Variants in COG5 observed in about 807,000 individuals in gnomAD.
COG5 encodes the protein conserved oligomeric Golgi complex subunit 5.
COG5 carries 86 observed loss-of-function variants against 110.4 expected under a neutral mutation model. The observed-to-expected ratio is 0.78, with a 90% confidence interval of 0.65 to 0.93. COG5 has a LOEUF of 0.93. Ranked by LOEUF, COG5 falls within the 40% of genes least tolerant of loss-of-function variation. The pLI is 0.00. For synonymous variants in COG5, 360 were observed against 334.6 expected (o/e 1.08, Z -0.83); for missense variants, 1,077 against 987.0 (o/e 1.09, Z -1.22).
Position 107,474,816 on chromosome 7 carries a change from G to C in COG5, c.538+52421C>G. 1 of 1,613,008 alleles carries C rather than the reference G, an allele frequency of 6.2e-7. No individual in the cohort carries two copies. Among genetic ancestry groups the C allele is most frequent in the Non-Finnish European group, 8.5e-7 (1 of 1,179,518 alleles). On this transcript the variant is annotated intron_variant, in intron 6 of 21. Transcript: ENST00000297135. The surrounding 1 kb of genome is among the most constrained non-coding windows in gnomAD (Gnocchi z 5.7). ...CAAGATTTTCAACAGGGCAGAAGAAGAAAGCAAGAAAGAAAAAGACAATTT... is the reference window on the plus strand; with the variant it reads ...CAAGATTTTCAACAGGGCAGAAGAACAAAGCAAGAAAGAAAAAGACAATTT...
At position 107,529,250 on chromosome 7, in the gene COG5, TAGAC is replaced by T. The variant is rs1316208615; in HGVS notation, c.418-1897_418-1894del. On this transcript the variant is annotated intron_variant, in intron 5 of 21. Transcript: ENST00000297135. ...AATCACTGTTATTGTTGCAGGTAGT[TAGAC>T]AGTCAAGAGTGGGGCAGGAGAGGGC... 8.5e-5 allele frequency among the ~76,000 whole-genome samples: 13 copies of T among 152,302 alleles called. No homozygotes were observed. The East Asian group carries it at 2.5e-3, about 29-fold the overall frequency.
At chr7:107,403,735 G>T (rs906207353) in intron 7 of COG5, among the ~76,000 whole-genome samples, 2 of 152,088 alleles carry the variant, frequency 1.3e-5, no homozygotes, top group Admixed American at 1.3e-4. Flanking sequence ...ATTCAAGAGA[G>T]TCCCACCTTC....
intron 14 of COG5, among the ~76,000 whole-genome samples, chr7:107,268,610 G>A (rs1459055605): frequency 6.6e-6 from 1 of 152,160 alleles, no homozygotes; most frequent in East Asian, 1.9e-4. Context: ...CATTTTGATA[G>A]TGGATTTGTC....
chr7:107,510,529 A>G (rs1799418369), intron 6 of COG5, among the ~76,000 whole-genome samples: 2 of 152,352 alleles, frequency 1.3e-5, no homozygotes, highest in South Asian at 2.1e-4. Context: ...AATTGAACTC[A>G]GCTCTGCACC....
intron 6 of COG5, among the ~76,000 whole-genome samples, chr7:107,483,944 G>C (rs1797501509): frequency 6.6e-6 from 1 of 151,392 alleles, no homozygotes; most frequent in Non-Finnish European, 1.5e-5. Flanking sequence ...CCTCCAAAGA[G>C]TATGTAATCC....
chr7:107,516,969 C>G (rs1454972475), intron 6 of COG5, among the ~76,000 whole-genome samples: 3 of 152,172 alleles, frequency 2.0e-5, no homozygotes, highest in Non-Finnish European at 4.4e-5. Flanking sequence ...ATCGCAACAG[C>G]TCTCCAGCAA....
chr7:107,516,757 C>T (rs1799950612), intron 6 of COG5, among the ~76,000 whole-genome samples: 1 of 152,148 alleles, frequency 6.6e-6, no homozygotes, highest in Non-Finnish European at 1.5e-5. Context: ...TGCAGCAGAC[C>T]TGCAGAAGAG....
At chr7:107,296,237 T>C (rs1806738409) in intron 12 of COG5, among the ~76,000 whole-genome samples, 1 of 151,954 alleles carries the variant, frequency 6.6e-6, no homozygotes, top group African/African-American at 2.4e-5. Context: ...ATATTCATTT[T>C]ACATAAAAGC....
At chr7:107,442,755 C>T (rs1372096903) in intron 6 of COG5, among the ~76,000 whole-genome samples, 2 of 151,226 alleles carry the variant, frequency 1.3e-5, no homozygotes, top group East Asian at 3.9e-4. Context: ...CAATAATACG[C>T]TATAATAGAT....
chr7:107,458,898 CAT>C (rs1041032623), intron 6 of COG5, among the ~76,000 whole-genome samples: 17 of 151,262 alleles, frequency 1.1e-4, no homozygotes, highest in South Asian at 6.3e-4. Flanking sequence ...AATATATGTA[CAT>C]ATGTTATATA....
intron 1 of COG5, among the ~76,000 whole-genome samples, chr7:107,558,933 AAAC>A (rs61658632): frequency 0.078 from 7,083 of 91,186 alleles, 260 homozygotes; most frequent in African/African-American, 0.11. Context: ...AAAAAAAAAA[AAAC>A]CATAACTACT....
intron 6 of COG5, among the ~76,000 whole-genome samples, chr7:107,526,206 A>T (rs1331223920): frequency 6.6e-6 from 1 of 152,234 alleles, no homozygotes; most frequent in African/African-American, 2.4e-5. Context: ...TCTGAAATGG[A>T]TATAATTAAA....
At chr7:107,400,252 T>G (rs1318514007) in intron 7 of COG5, among the ~76,000 whole-genome samples, 1 of 152,134 alleles carries the variant, frequency 6.6e-6, no homozygotes, top group Non-Finnish European at 1.5e-5. Flanking sequence ...ATAACATGCA[T>G]GAATCTCAAA....
chr7:107,272,086 C>T (rs1804321712), intron 14 of COG5, among the ~76,000 whole-genome samples: 2 of 152,126 alleles, frequency 1.3e-5, no homozygotes, highest in African/African-American at 2.4e-5. Flanking sequence ...TCTTTAAAAT[C>T]TATTAGAGCA....
At chr7:107,277,193 A>G (rs1034656422) in intron 14 of COG5, among the ~76,000 whole-genome samples, 2 of 152,244 alleles carry the variant, frequency 1.3e-5, no homozygotes, top group African/African-American at 4.8e-5. Context: ...GCAATTCACA[A>G]AACAATATGT....
intron 1 of COG5, among the ~76,000 whole-genome samples, chr7:107,562,010 G>A (rs1039240478): frequency 1.3e-5 from 2 of 152,080 alleles, no homozygotes; most frequent in African/African-American, 4.8e-5. Flanking sequence ...GAAAGGAGCA[G>A]AGGCTCCACT....
In COG5 at chr7:107,483,768, C is replaced by T. The variant is rs561623576; in HGVS notation, c.538+43469G>A. Among the ~76,000 whole-genome samples, 42 of 151,558 alleles carry T rather than the reference C, an allele frequency of 2.8e-4. No homozygotes were observed. In the South Asian group the frequency reaches 7.1e-3, roughly 26 times the overall value. ...TAATTCAGGTGACTGAATATGGCCA[C>T]GTTATAGAAAAATATTTGCCAAGTA... On this transcript the variant is annotated intron_variant, in intron 6 of 21. Transcript: ENST00000297135.
chr7:107,457,362 G>GGA (rs1563046256), intron 6 of COG5, among the ~76,000 whole-genome samples: 2 of 64,656 alleles, frequency 3.1e-5, no homozygotes. Flanking sequence ...GCTATGAGGA[G>GGA]AAAAAAAAAA....
At chr7:107,465,233 C>CA (rs1796228259) in intron 6 of COG5, among the ~76,000 whole-genome samples, 1 of 152,074 alleles carries the variant, frequency 6.6e-6, no homozygotes, top group African/African-American at 2.4e-5. Context: ...GGAATTCACA[C>CA]AAAAAACTCC....
Sources: allele counts gnomAD v4.1 joint callset (sites outside exome capture counted in the v4.1 genomes callset), GRCh38; gene constraint gnomAD v4.1.1; non-coding constraint Gnocchi (gnomAD v3.1); transcripts MANE v1.5; gene names NCBI Gene and HGNC (gene_info 2026-07-23, HGNC 2026-07-21).